Variants in RAB17 observed in about 807,000 individuals in gnomAD.
The protein encoded by RAB17 is RAB17, member RAS oncogene family.
A neutral mutation model predicts 19.3 loss-of-function variants in RAB17; 15 were observed. The ratio of observed to expected loss-of-function variants is 0.78; its 90% CI spans 0.52 to 1.20. The LOEUF is 1.20. Ranked by LOEUF, RAB17 falls within the 50% of genes most tolerant of loss-of-function variation. RAB17 has a pLI of 0.00. For synonymous variants in RAB17, 110 were observed against 112.8 expected, an observed-to-expected ratio of 0.97 and a Z score of 0.16; for missense variants, 262 against 269.3, an observed-to-expected ratio of 0.97 and a Z score of 0.19.
intron 4 of RAB17, chr2:237,576,588 G>A (rs1027397968): frequency 8.5e-6 from 4 of 471,116 alleles, no homozygotes; most frequent in East Asian, 6.9e-5. Flanking sequence ...AGGCGCGCCC[G>A]TCGGTCTAAG....
chr2:237,585,040 A>AC (rs1355876510), intron 2 of RAB17, among the ~76,000 whole-genome samples: 3 of 152,012 alleles, frequency 2.0e-5, no homozygotes, highest in African/African-American at 4.8e-5. Context: ...TTCAGGAACC[A>AC]CCCCCCTGAG....
intron 2 of RAB17, 65 bp downstream of exon 2, chr2:237,585,933 G>T: frequency 2.7e-6 from 4 of 1,478,278 alleles, no homozygotes; most frequent in Non-Finnish European, 3.6e-6. Flanking sequence ...TCTGCCCCAG[G>T]TGTGGGTCAG....
intron 4 of RAB17, among the ~76,000 whole-genome samples, chr2:237,576,247 G>T (rs1054527422): frequency 1.3e-5 from 2 of 152,034 alleles, no homozygotes; most frequent in African/African-American, 2.4e-5. Flanking sequence ...TCCCTCGGCC[G>T]GCCCTGCATT....
At chr2:237,577,218 C>T in intron 4 of RAB17, 39 bp downstream of exon 4, 1 of 1,587,946 alleles carries the variant, frequency 6.3e-7, no homozygotes, top group Non-Finnish European at 8.6e-7. Flanking sequence ...GGGCTCTCTC[C>T]TGCTGTGGAA....
At chr2:237,585,676 C>T (rs10195011) in intron 2 of RAB17, 50,593 of 215,554 alleles carry the variant, frequency 0.23, 8,228 homozygotes, top group African/African-American at 0.51. Context: ...AGGCTTCTTC[C>T]GGGCTGTCCC....
At chr2:237,579,916 A>G (rs536034114) in intron 2 of RAB17, among the ~76,000 whole-genome samples, 13 of 152,226 alleles carry the variant, frequency 8.5e-5, no homozygotes, top group Non-Finnish European at 1.6e-4. Context: ...CCAACTCCCC[A>G]GGTCAAACAA....
rs746541816 is a variant in RAB17 at position 237,574,492 on chromosome 2, C to T, written c.*527G>A. 29 of 1,550,480 alleles carry T rather than the reference C, an allele frequency of 1.9e-5. No individual in the cohort carries two copies. The African/African-American group carries it at 3.7e-4, about 20-fold the overall frequency. Reference sequence around the variant, plus strand: ...GAACTGGCGCCACTGCCCCCAGCTGCCCTTCCCAGGGGCAACTTCACCAAG... The same window carrying T: ...GAACTGGCGCCACTGCCCCCAGCTGTCCTTCCCAGGGGCAACTTCACCAAG... On this transcript the variant is annotated 3_prime_UTR_variant, in exon 6 of 6. Transcript: ENST00000264601.
At chr2:237,580,533 G>C (rs1228621815) in intron 2 of RAB17, among the ~76,000 whole-genome samples, 1 of 152,152 alleles carries the variant, frequency 6.6e-6, no homozygotes, top group Non-Finnish European at 1.5e-5. Context: ...TTGAGGTCGA[G>C]TTCAAGACCA....
chr2:237,578,422 A>C (rs1219659384), intron 2 of RAB17: 2 of 352,060 alleles, frequency 5.7e-6, no homozygotes, highest in African/African-American at 4.1e-5. Flanking sequence ...GACCTAATAC[A>C]AAAGCTCTGG....
At position 237,576,719 on chromosome 2, in the gene RAB17, G is replaced by A. The variant is rs143296003; in HGVS notation, c.435+538C>T. On this transcript the variant is annotated intron_variant, in intron 4 of 5. Transcript: ENST00000264601. Reference sequence around the variant, plus strand: ...AATGTGGTGGGGGAGGTGGGATGCCGTGGAAGAGAAACAACAGCGACACCT... The same window carrying A: ...AATGTGGTGGGGGAGGTGGGATGCCATGGAAGAGAAACAACAGCGACACCT... The A allele has an allele frequency of 1.2e-3, 551 of 471,238 alleles. 4 individuals are homozygous for A. The highest frequency in any genetic ancestry group is 9.6e-3 in the African/African-American group (483 of 50,210). The allele number at this position is 471,238 out of a possible 1,614,324, so 29.2% of individuals were successfully genotyped here.
rs2081280749 is a variant in RAB17 at position 237,578,144 on chromosome 2, T to C, written c.169A>G (p.Thr57Ala). The C allele has an allele frequency of 6.2e-7, 1 of 1,610,876 alleles. No homozygotes were observed. Among genetic ancestry groups the C allele is most frequent in the Non-Finnish European group, 8.5e-7 (1 of 1,177,488 alleles). Residue 57 changes from threonine (T) to alanine (A), a missense_variant, in exon 3 of 6, where the codon ACA becomes GCA. By Grantham distance (58) the Thr-to-Ala change is moderately conservative. Transcript: ENST00000264601. ...ILPTVGCAFFTKVVDVGATSL... is the reference protein window; with the variant it reads ...ILPTVGCAFFAKVVDVGATSL... Reference sequence around the variant, plus strand: ...GTGGCACCCACATCCACCACCTTTGTGAAGAACGCACCTGAAACAGGGAGG... The same window carrying C: ...GTGGCACCCACATCCACCACCTTTGCGAAGAACGCACCTGAAACAGGGAGG...
Position 237,575,010 on chromosome 2 carries a change from T to C in RAB17, c.*9A>G, listed in dbSNP as rs777638509. Reference sequence around the variant, plus strand: ...GTGTCTTCCCCACAGCCCCCAGGAGTGGCTGCACCTAGTGGGCGCAGCATT... The same window carrying C: ...GTGTCTTCCCCACAGCCCCCAGGAGCGGCTGCACCTAGTGGGCGCAGCATT... On this transcript the variant is annotated 3_prime_UTR_variant, in exon 6 of 6. Coordinates refer to ENST00000264601, the MANE Select transcript of RAB17 (RefSeq NM_022449.4). 3.1e-6 allele frequency: 5 copies of C among 1,588,760 alleles called. No homozygotes were observed. The highest frequency in any genetic ancestry group is 3.4e-5 in the Admixed American group (2 of 59,000).
At chr2:237,577,813 A>G (rs1219412579) in intron 3 of RAB17, 191 bp downstream of exon 3, 3 of 641,836 alleles carry the variant, frequency 4.7e-6, no homozygotes, top group East Asian at 5.3e-5. Context: ...TTCTTTGTGG[A>G]CCACGGAGGA....
intron 4 of RAB17, chr2:237,576,606 T>G (rs772332148): frequency 1.3e-4 from 62 of 471,064 alleles, no homozygotes; most frequent in Non-Finnish European, 1.1e-4. Context: ...AAGCCCTGAG[T>G]TGGGTCTTCC....
intron 2 of RAB17, among the ~76,000 whole-genome samples, chr2:237,585,756 C>T (rs1480044490): frequency 3.9e-5 from 6 of 152,188 alleles, no homozygotes; most frequent in African/African-American, 7.2e-5. Context: ...AGAATCTCCA[C>T]CCCCTGCAGA....
intron 2 of RAB17, among the ~76,000 whole-genome samples, chr2:237,583,064 T>C (rs1157486991): frequency 6.6e-6 from 1 of 152,132 alleles, no homozygotes; most frequent in Non-Finnish European, 1.5e-5. Context: ...GTTGCACCAC[T>C]GCACTCCGCC....
chr2:237,580,708 C>G (rs1327255028), intron 2 of RAB17, among the ~76,000 whole-genome samples: 4 of 151,442 alleles, frequency 2.6e-5, no homozygotes, highest in African/African-American at 7.3e-5. Flanking sequence ...CACTGCACTC[C>G]AGCCTGGGCA....
intron 2 of RAB17, chr2:237,579,281 G>A (rs1262736947): frequency 6.6e-6 from 1 of 152,266 alleles, no homozygotes; most frequent in African/African-American, 2.4e-5. Flanking sequence ...ACACTCCAAG[G>A]ACAGTGCATG....
intron 4 of RAB17, among the ~76,000 whole-genome samples, chr2:237,577,016 C>CTG (rs140376941): frequency 4.9e-4 from 74 of 152,078 alleles, no homozygotes; most frequent in African/African-American, 1.7e-3. Flanking sequence ...AGGTGGAAAG[C>CTG]TGTGTGTGTG....
Sources: gnomAD v4.1 joint callset for allele counts (sites outside exome capture counted in the v4.1 genomes callset) on GRCh38, gnomAD v4.1.1 for gene constraint, MANE v1.5 for transcripts, NCBI Gene and HGNC (gene_info 2026-07-23, HGNC 2026-07-21) for gene names.